LINGO1: variants seen among roughly 807,000 people sequenced by gnomAD.
LINGO1 encodes the protein leucine rich repeat and Ig domain containing 1, also known as leucine-rich repeat and immunoglobulin-like domain-containing nogo receptor-interacting protein 1.
In LINGO1, 11 loss-of-function variants were observed where a neutral mutation model predicts 37.3. The observed-to-expected ratio is 0.29, with a 90% CI of 0.19 to 0.49. The LOEUF (loss-of-function observed/expected upper bound fraction) is 0.49, where lower values mean the gene tolerates loss of function less well. Ranked by LOEUF, LINGO1 falls within the 20% of genes least tolerant of loss-of-function variation. The pLI, the probability that LINGO1 is intolerant of heterozygous loss-of-function variation, is 0.99. For synonymous variants in LINGO1, 387 were observed against 403.0 expected, an observed-to-expected ratio of 0.96 and a Z score of 0.48; for missense variants, 585 against 878.2, an observed-to-expected ratio of 0.67 and a Z score of 4.22.
chr15:77,719,901 CA>C (rs2076030627), intron 2 of LINGO1, among the ~76,000 whole-genome samples: 1 of 149,606 alleles, frequency 6.7e-6, no homozygotes, highest in Non-Finnish European at 1.5e-5. Context: ...CACACACACA[CA>C]ACTATGAGAC....
chr15:77,644,019 G>C (rs931790330), intron 3 of LINGO1, among the ~76,000 whole-genome samples: 1 of 152,224 alleles, frequency 6.6e-6, no homozygotes, highest in African/African-American at 2.4e-5. Context: ...GAATCCATCA[G>C]AGCCACGGGG....
At chr15:77,695,008 A>C (rs1314169122) in intron 1 of LINGO1, among the ~76,000 whole-genome samples, 1 of 151,550 alleles carries the variant, frequency 6.6e-6, no homozygotes, top group South Asian at 2.1e-4. Context: ...TTTTTTTTTT[A>C]ATTTTTGACC....
At chr15:77,738,815 A>G (rs768907498) in intron 1 of LINGO1, among the ~76,000 whole-genome samples, 1,203 of 109,594 alleles carry the variant, frequency 0.011, 9 homozygotes, top group Admixed American at 0.016. Context: ...AAGGAAGGAA[A>G]GAAGGAAGGA....
chr15:77,650,258 T>C (rs1325736137), intron 3 of LINGO1, among the ~76,000 whole-genome samples: 1 of 152,158 alleles, frequency 6.6e-6, no homozygotes, highest in Non-Finnish European at 1.5e-5. Flanking sequence ...GACTCGAGGC[T>C]TTCAGAGACT....
At chr15:77,765,129 A>AGCAGGCCTGGCATGGTGGC (rs2076514731) in intron 1 of LINGO1, among the ~76,000 whole-genome samples, 1 of 152,166 alleles carries the variant, frequency 6.6e-6, no homozygotes, top group African/African-American at 2.4e-5. Context: ...GAACTGGGAA[A>AGCAGGCCTGGCATGGTGGC]GCAGGCCTGG....
chr15:77,712,971 T>C lies in LINGO1; in HGVS notation c.-195+22021A>G, dbSNP rs28373096. Among the ~76,000 whole-genome samples the C allele has an allele frequency of 7.0e-3, 1,064 of 152,250 alleles. 14 individuals are homozygous for C. Among genetic ancestry groups the C allele is most frequent in the African/African-American group, 0.024 (1,012 of 41,554 alleles). On this transcript the variant is annotated intron_variant, in intron 2 of 3. Coordinates refer to the LINGO1 transcript ENST00000561686. ...TTTTGTTCTTCCCAGCAGCAAACAA[T>C]TGTGTTCTGGTATCTGCCATCCTTT... is the stretch of plus-strand genomic sequence containing the variant.
upstream of LINGO1, among the ~76,000 whole-genome samples, chr15:77,698,796 G>C (rs959980126): frequency 9.2e-5 from 14 of 152,306 alleles, no homozygotes; most frequent in African/African-American, 3.1e-4. Context: ...GGGTGAGAAG[G>C]GTCGGGTGGG....
At position 77,613,252 on chromosome 15, in the gene LINGO1, C is replaced by G. The variant is rs1447421924; in HGVS notation, c.*792G>C. On this transcript the variant is annotated 3_prime_UTR_variant, in exon 2 of 2. Coordinates refer to ENST00000355300, the MANE Select transcript of LINGO1 (RefSeq NM_032808.7). ...GGTGGGCCCCACCTCCAGCCCCTGG[C>G]TCTCTCCACTGACTGTGCTGTCCCC... The G allele has an allele frequency of 1.3e-5, 2 of 152,256 alleles. No homozygotes were observed. The highest frequency in any genetic ancestry group is 2.9e-5 in the Non-Finnish European group (2 of 68,096). The allele number at this position is 152,256 out of a possible 1,614,324, so 9.4% of individuals were successfully genotyped here.
At chr15:77,631,110 T>TCC (rs1422001495) in intron 1 of LINGO1, among the ~76,000 whole-genome samples, 1 of 152,208 alleles carries the variant, frequency 6.6e-6, no homozygotes, top group Non-Finnish European at 1.5e-5. Context: ...CGCCTGGGTG[T>TCC]CCCGGCTCAT....
intron 1 of LINGO1, among the ~76,000 whole-genome samples, chr15:77,743,950 G>C (rs1330054749): frequency 6.6e-6 from 1 of 152,166 alleles, no homozygotes; most frequent in African/African-American, 2.4e-5. Flanking sequence ...CTGTAGCCAA[G>C]CCACAAGTAT....
chr15:77,816,976 AG>A (rs2077053279), intron 1 of LINGO1, among the ~76,000 whole-genome samples: 1 of 12,832 alleles, frequency 7.8e-5, no homozygotes, highest in Non-Finnish European at 1.1e-3. Context: ...AGAGGAGCTG[AG>A]AGAGAGAGAG....
chr15:77,710,376 G>T (rs985151107), intron 2 of LINGO1, among the ~76,000 whole-genome samples: 1 of 152,236 alleles, frequency 6.6e-6, no homozygotes, highest in African/African-American at 2.4e-5. Context: ...CACCTGGTGG[G>T]ACTTGTCCAG....
intron 1 of LINGO1, among the ~76,000 whole-genome samples, chr15:77,622,747 C>T (rs775819249): frequency 1.4e-4 from 21 of 152,218 alleles, no homozygotes; most frequent in East Asian, 9.6e-4. Flanking sequence ...AGGACTGTGA[C>T]GGTCACCCCA....
intron 2 of LINGO1, among the ~76,000 whole-genome samples, chr15:77,712,943 G>A (rs1387973279): frequency 6.6e-6 from 1 of 152,068 alleles, no homozygotes; most frequent in Non-Finnish European, 1.5e-5. Flanking sequence ...TCTTTTCTGG[G>A]TCTTTTGTTC....
At chr15:77,693,657 T>C (rs901243177) in intron 1 of LINGO1, among the ~76,000 whole-genome samples, 2 of 152,162 alleles carry the variant, frequency 1.3e-5, no homozygotes, top group African/African-American at 4.8e-5. Flanking sequence ...GGATCAGGCC[T>C]GGGGCAGAGG....
intron 3 of LINGO1, among the ~76,000 whole-genome samples, chr15:77,644,946 G>A (rs986929382): frequency 6.6e-6 from 1 of 152,068 alleles, no homozygotes; most frequent in South Asian, 2.1e-4. Context: ...GGCCCCAGAC[G>A]ATAGGAGGGC....
intron 1 of LINGO1, among the ~76,000 whole-genome samples, chr15:77,753,685 C>G (rs757308013): frequency 1.3e-5 from 2 of 152,150 alleles, no homozygotes; most frequent in Non-Finnish European, 2.9e-5. Context: ...AACCAACAGC[C>G]AAAGACACAA....
At chr15:77,729,723 A>G (rs1298806761) in intron 2 of LINGO1, among the ~76,000 whole-genome samples, 1 of 152,194 alleles carries the variant, frequency 6.6e-6, no homozygotes, top group African/African-American at 2.4e-5. Flanking sequence ...CAAGGACTAT[A>G]TGCTGTTTTG....
chr15:77,820,432 A>T (rs933248239), upstream of LINGO1: 1 of 152,256 alleles, frequency 6.6e-6, no homozygotes, highest in Non-Finnish European at 1.5e-5. Flanking sequence ...CACGCCATCC[A>T]GGGGGCGCTC....
Sources: allele counts gnomAD v4.1 joint callset (sites outside exome capture counted in the v4.1 genomes callset), GRCh38; gene constraint gnomAD v4.1.1; transcripts MANE v1.5; gene names NCBI Gene and HGNC (gene_info 2026-07-23, HGNC 2026-07-21).